The following PCDH7 variants were observed in gnomAD, a reference collection of about 807,000 sequenced individuals.
PCDH7 encodes protocadherin-7.
Under a neutral mutation model 58.9 loss-of-function variants are expected in PCDH7, and 17 were observed. That is an observed-to-expected ratio of 0.29 (90% CI 0.20 to 0.43). PCDH7 has a LOEUF of 0.43. Among genes scored for constraint, PCDH7 ranks in the 20% least tolerant of loss-of-function variants. The pLI is 1.00. For synonymous variants in PCDH7, 664 were observed against 616.4 expected (o/e 1.08, Z -1.14); for missense variants, 1,274 against 1,441.0 (o/e 0.88, Z 1.88).
chr4:31,073,543 T>G (rs1758729787), intron 3 of PCDH7, among the ~76,000 whole-genome samples: 1 of 152,164 alleles, frequency 6.6e-6, no homozygotes, highest in Non-Finnish European at 1.5e-5. Context: ...TGCAGTTTAG[T>G]GACTACATGA....
chr4:30,785,888 A>G (rs1313912707), intron 1 of PCDH7, among the ~76,000 whole-genome samples: 10 of 151,994 alleles, frequency 6.6e-5, no homozygotes, highest in Admixed American at 6.6e-4. Context: ...CAATATTCAG[A>G]CTTACTAAGA....
In PCDH7 at chr4:30,721,344, G is replaced by A; in HGVS notation, c.-79G>A. The A allele has an allele frequency of 7.5e-7, 1 of 1,338,606 alleles. No homozygotes were observed. Among genetic ancestry groups the A allele is most frequent in the Non-Finnish European group, 9.9e-7 (1 of 1,014,258 alleles). 82.9% of individuals were successfully genotyped at this position (1,338,606 alleles called of 1,614,324 possible). On this transcript the variant is annotated 5_prime_UTR_variant, in exon 1 of 2. Coordinates refer to ENST00000361762, the Ensembl canonical transcript of PCDH7. This position sits in a 1 kb window ranked among gnomAD's most constrained non-coding sequence, Gnocchi z 6.7. ...GAGAGGGGAGAGGACTCGGGGGAGG[G>A]CAGGCGGCCGGCCCCGGAGGAGGGG... is the stretch of plus-strand genomic sequence containing the variant.
intron 3 of PCDH7, among the ~76,000 whole-genome samples, chr4:30,964,242 A>ATTTTTTTTT (rs1250300930): frequency 2.1e-5 from 1 of 48,418 alleles, no homozygotes; most frequent in African/African-American, 2.1e-4. Context: ...TTATTTATTT[A>ATTTTTTTTT]TTTATTTATT....
chr4:30,993,432 G>A (rs893961686), intron 3 of PCDH7, among the ~76,000 whole-genome samples: 5 of 152,130 alleles, frequency 3.3e-5, no homozygotes, highest in Non-Finnish European at 5.9e-5. Flanking sequence ...AACATAAACA[G>A]AAGGAGCTTT....
intron 3 of PCDH7, among the ~76,000 whole-genome samples, chr4:31,059,241 G>C (rs1431010258): frequency 6.6e-6 from 1 of 151,892 alleles, no homozygotes; most frequent in Non-Finnish European, 1.5e-5. Context: ...ATTCTGAGGA[G>C]AAATGTTCTA....
chr4:30,820,151 A>G (rs1728201245), intron 1 of PCDH7, among the ~76,000 whole-genome samples: 1 of 152,146 alleles, frequency 6.6e-6, no homozygotes, highest in Non-Finnish European at 1.5e-5. Context: ...AATACAGGAA[A>G]AGAGAGAGAA....
intron 1 of PCDH7, among the ~76,000 whole-genome samples, chr4:30,906,928 C>T (rs775249379): frequency 2.0e-5 from 3 of 151,972 alleles, no homozygotes; most frequent in Non-Finnish European, 2.9e-5. Context: ...GAGGCTGAGG[C>T]AGGAGAATCG....
At chr4:30,838,803 G>GA (rs1267853838) in intron 1 of PCDH7, among the ~76,000 whole-genome samples, 3 of 152,094 alleles carry the variant, frequency 2.0e-5, no homozygotes. Flanking sequence ...ACTAAATGCA[G>GA]AAAGTCTAGC....
At chr4:30,981,750 G>A (rs888495055) in intron 3 of PCDH7, among the ~76,000 whole-genome samples, 6 of 152,172 alleles carry the variant, frequency 3.9e-5, no homozygotes, top group African/African-American at 1.4e-4. Flanking sequence ...TCTCATGCCA[G>A]TGTCGATCTG....
At chr4:30,730,106 A>T (rs1478427919) in intron 1 of PCDH7, among the ~76,000 whole-genome samples, 1 of 151,612 alleles carries the variant, frequency 6.6e-6, no homozygotes, top group Non-Finnish European at 1.5e-5. Flanking sequence ...TAGTATAATT[A>T]TATACAGTAT....
At position 30,962,289 on chromosome 4, in the gene PCDH7, C is replaced by G. The variant is rs548409351; in HGVS notation, c.*7+12074C>G. Among the ~76,000 whole-genome samples, 5 of 152,292 alleles carry G rather than the reference C, an allele frequency of 3.3e-5. No homozygotes were observed. In the South Asian group the frequency reaches 1.0e-3, roughly 32 times the overall value. On this transcript the variant is annotated intron_variant, in intron 3 of 3. Transcript: ENST00000509759. ...GAAATATGACAAAATGATGGCAAAA[C>G]TCCTGCCATTGTAATTGGGGAGTTA... is the stretch of plus-strand genomic sequence containing the variant.
At chr4:31,013,866 T>C (rs559924178) in intron 3 of PCDH7, among the ~76,000 whole-genome samples, 2 of 152,294 alleles carry the variant, frequency 1.3e-5, no homozygotes, top group Admixed American at 6.5e-5. Flanking sequence ...TTCTGTTACA[T>C]TGGCATTCAT....
At chr4:31,074,456 C>G (rs970303936) in intron 3 of PCDH7, among the ~76,000 whole-genome samples, 7 of 151,786 alleles carry the variant, frequency 4.6e-5, no homozygotes, top group African/African-American at 1.7e-4. Context: ...GTGTCTTAGT[C>G]CCCTCTACAT....
At chr4:30,894,584 TAC>T (rs780056632) in intron 1 of PCDH7, among the ~76,000 whole-genome samples, 87 of 90,372 alleles carry the variant, frequency 9.6e-4, no homozygotes, top group African/African-American at 3.0e-3. Context: ...CACACATATA[TAC>T]ACACACACAC....
At chr4:30,832,020 A>T (rs1560415715) in intron 1 of PCDH7, among the ~76,000 whole-genome samples, 1 of 152,162 alleles carries the variant, frequency 6.6e-6, no homozygotes, top group African/African-American at 2.4e-5. Flanking sequence ...ACGATTCTCA[A>T]AAAGTAACAC....
rs373601265 is a variant in PCDH7, at chr4:30,756,027, C to T, written c.70+31431C>T. Among the ~76,000 whole-genome samples, 475 of 152,108 alleles carry T rather than the reference C, an allele frequency of 3.1e-3. 5 individuals are homozygous for T. Among genetic ancestry groups the T allele is most frequent in the African/African-American group, 0.011 (443 of 41,498 alleles). The stretch of plus-strand genomic sequence containing the variant: ...CCAGGAGGTGGAGGTTGCAGTGAGC[C>T]GATATCGCACCACTGCACTCCAGCC... On this transcript the variant is annotated intron_variant, in intron 1 of 3. Transcript: ENST00000509759.
At chr4:31,026,306 G>A (rs918118839) in intron 3 of PCDH7, among the ~76,000 whole-genome samples, 3 of 152,096 alleles carry the variant, frequency 2.0e-5, no homozygotes, top group African/African-American at 7.2e-5. Flanking sequence ...TTGTACCTTT[G>A]ATGTTTTTAA....
At chr4:30,745,510 A>G (rs895056329) in intron 1 of PCDH7, among the ~76,000 whole-genome samples, 1 of 152,016 alleles carries the variant, frequency 6.6e-6, no homozygotes, top group African/African-American at 2.4e-5. Context: ...TTATATTTCT[A>G]TTCATGGAGG....
intron 3 of PCDH7, among the ~76,000 whole-genome samples, chr4:30,994,209 C>T (rs1450888520): frequency 6.6e-6 from 1 of 152,048 alleles, no homozygotes; most frequent in Non-Finnish European, 1.5e-5. Flanking sequence ...ATAAATTATG[C>T]ATTTTTGCCT....
Sources: allele counts gnomAD v4.1 joint callset (sites outside exome capture counted in the v4.1 genomes callset), GRCh38; gene constraint gnomAD v4.1.1; non-coding constraint Gnocchi (gnomAD v3.1); transcripts MANE v1.5; gene names NCBI Gene and HGNC (gene_info 2026-07-23, HGNC 2026-07-21).